TXNRD1: variants seen among roughly 807,000 people sequenced by gnomAD.
TXNRD1 encodes thioredoxin reductase 1.
TXNRD1 carries 57 observed loss-of-function variants against 80.3 expected under a neutral mutation model. The ratio of observed to expected loss-of-function variants is 0.71; its 90% confidence interval spans 0.57 to 0.89. The LOEUF (loss-of-function observed/expected upper bound fraction) is 0.89, where lower values mean the gene tolerates loss of function less well. Among genes scored for constraint, TXNRD1 ranks in the 40% least tolerant of loss-of-function variants. The probability of loss-of-function intolerance (pLI) is 0.00; values close to 1 mark genes in which losing one functional copy is unlikely to be tolerated. For missense variants in TXNRD1, 730 were observed against 803.0 expected, an observed-to-expected ratio of 0.91 and a Z score of 1.10; for synonymous variants, 291 against 285.2, an observed-to-expected ratio of 1.02 and a Z score of -0.20.
chr12:104,348,417 G>A lies in TXNRD1; in HGVS notation c.1946G>A (p.Gly649Asp), dbSNP rs768166002. 3 of 1,613,998 alleles carry A rather than the reference G, an allele frequency of 1.9e-6. No homozygotes were observed. The highest frequency in any genetic ancestry group is 2.5e-6 in the Non-Finnish European group (3 of 1,179,880). The change falls in exon 17 of 17, where the codon GGT (glycine) becomes GAT (aspartate). Residue 649 changes from glycine (G) to aspartate (D), a missense_variant. Physicochemically the swap from Gly to Asp is moderately conservative, Grantham distance 94. Transcript: ENST00000525566. ...GASILQAGCU[G>D] ...AGCATCCTCCAGGCTGGCTGCTGAGGTTAAGCCCCAGTGTGGATGCTGTTG... is the reference window on the plus strand; with the variant it reads ...AGCATCCTCCAGGCTGGCTGCTGAGATTAAGCCCCAGTGTGGATGCTGTTG...
At chr12:104,339,694 T>C (rs1404088585) in intron 16 of TXNRD1, among the ~76,000 whole-genome samples, 2 of 152,218 alleles carry the variant, frequency 1.3e-5, no homozygotes, top group African/African-American at 4.8e-5. Context: ...CAAATGACAG[T>C]AGAACTAGAA....
intron 10 of TXNRD1, among the ~76,000 whole-genome samples, chr12:104,324,596 C>T (rs1451712218): frequency 1.3e-5 from 2 of 151,680 alleles, no homozygotes; most frequent in African/African-American, 2.4e-5. Context: ...ATGATCCTCC[C>T]GCCTCGGCCT....
chr12:104,308,183 G>T (rs1188076634), intron 4 of TXNRD1, among the ~76,000 whole-genome samples: 1 of 152,080 alleles, frequency 6.6e-6, no homozygotes, highest in Admixed American at 6.6e-5. Flanking sequence ...TTGTAGTAGA[G>T]ACGGGGTTTC....
At chr12:104,272,242 C>T (rs1276276531) in intron 3 of TXNRD1, among the ~76,000 whole-genome samples, 1 of 152,168 alleles carries the variant, frequency 6.6e-6, no homozygotes, top group South Asian at 2.1e-4. Context: ...CCCTGACACA[C>T]GTGGCCCCTG....
At position 104,314,275 on chromosome 12, in the gene TXNRD1, G is replaced by A. The variant is rs371408128; in HGVS notation, c.610+958G>A. On this transcript the variant is annotated intron_variant, in intron 6 of 16. Transcript: ENST00000525566. ...ATAAATGAGCCTTTGAAGACTCTAAGGCAGGGGAGCCATGTGATAATATAA... is the reference window on the plus strand; with the variant it reads ...ATAAATGAGCCTTTGAAGACTCTAAAGCAGGGGAGCCATGTGATAATATAA... 2.9e-3 allele frequency among the ~76,000 whole-genome samples: 446 copies of A among 152,306 alleles called. 27 individuals are homozygous for A. The South Asian group carries it at 0.091, about 31-fold the overall frequency.
intron 1 of TXNRD1, among the ~76,000 whole-genome samples, chr12:104,217,065 A>T (rs992790311): frequency 2.0e-5 from 3 of 152,020 alleles, no homozygotes; most frequent in Admixed American, 1.3e-4. Context: ...GGAGTTAAGG[A>T]CTTGGATTAG....
Position 104,312,603 on chromosome 12 carries a change from A to G in TXNRD1, c.538-642A>G, listed in dbSNP as rs35784404. On this transcript the variant is annotated intron_variant, in intron 5 of 16. Coordinates refer to ENST00000525566, the MANE Select transcript of TXNRD1 (RefSeq NM_001093771.3). ...ATAACCTTTGGAGGTCTAGTTGCCA[A>G]TATTCAAAGCTTATTCTCTGAGAAT... Among the ~76,000 whole-genome samples, 979 of 152,326 alleles carry G rather than the reference A, an allele frequency of 6.4e-3. 9 individuals are homozygous for G. Among genetic ancestry groups the G allele is most frequent in the African/African-American group, 0.022 (922 of 41,572 alleles).
At chr12:104,255,225 G>A (rs2033223031) in intron 2 of TXNRD1, among the ~76,000 whole-genome samples, 1 of 152,090 alleles carries the variant, frequency 6.6e-6, no homozygotes, top group Non-Finnish European at 1.5e-5. Flanking sequence ...TGCTACTAGT[G>A]GTAGATAGTC....
intron 3 of TXNRD1, among the ~76,000 whole-genome samples, chr12:104,268,596 GC>G (rs1193782175): frequency 1.3e-5 from 2 of 151,994 alleles, no homozygotes; most frequent in African/African-American, 4.8e-5. Context: ...TCGGCTCACT[GC>G]AAACTCTGCC....
At chr12:104,218,003 A>C (rs906064254) in intron 1 of TXNRD1, among the ~76,000 whole-genome samples, 7 of 151,766 alleles carry the variant, frequency 4.6e-5, no homozygotes, top group East Asian at 1.9e-4. Context: ...CACACACACA[A>C]AATGGAATAT....
rs571496486 is a variant in TXNRD1, at chr12:104,303,755, G to T, written c.415-7535G>T. Reference sequence around the variant, plus strand: ...CTAGTGCGCATGGGCGGGCGTCCTCGGCTCTAACTGCCGCCACTTTCCACA... The same window carrying T: ...CTAGTGCGCATGGGCGGGCGTCCTCTGCTCTAACTGCCGCCACTTTCCACA... On this transcript the variant is annotated intron_variant, in intron 4 of 16. Coordinates refer to ENST00000525566, the MANE Select transcript of TXNRD1 (RefSeq NM_001093771.3). The T allele has an allele frequency of 2.4e-3, 2,567 of 1,061,406 alleles. 8 individuals carry two copies. The highest frequency in any genetic ancestry group is 3.0e-3 in the Non-Finnish European group (2,318 of 778,236). The allele number at this position is 1,061,406 out of a possible 1,614,324, so 65.7% of individuals were successfully genotyped here.
chr12:104,319,115 T>G, intron 8 of TXNRD1, 60 bp downstream of exon 8: 1 of 1,542,572 alleles, frequency 6.5e-7, no homozygotes, highest in Non-Finnish European at 8.7e-7. Context: ...TTAAAAGCTT[T>G]GGTTAGAAAA....
chr12:104,267,701 C>CTTTCTTTCTT (rs755241957), intron 3 of TXNRD1, among the ~76,000 whole-genome samples: 3 of 19,764 alleles, frequency 1.5e-4, no homozygotes, highest in Admixed American at 9.2e-4. Flanking sequence ...TTCTTTCTTT[C>CTTTCTTTCTT]TCTCTTTCTT....
intron 15 of TXNRD1, among the ~76,000 whole-genome samples, chr12:104,338,157 G>A (rs1405813381): frequency 6.6e-6 from 1 of 151,738 alleles, no homozygotes. Context: ...CCTCTGTGGA[G>A]CTGAGATGAT....
chr12:104,224,971 G>A (rs2032440750), intron 1 of TXNRD1: 5 of 449,312 alleles, frequency 1.1e-5, no homozygotes, highest in South Asian at 6.3e-5. Flanking sequence ...TGTCCCATAT[G>A]GAACATTGTA....
At position 104,309,934 on chromosome 12, in the gene TXNRD1, C is replaced by T. The variant is rs535591464; in HGVS notation, c.415-1356C>T. 2.9e-5 allele frequency: 45 copies of T among 1,536,100 alleles called. No individual in the cohort carries two copies. The East Asian group carries it at 1.0e-3, about 35-fold the overall frequency. On this transcript the variant is annotated intron_variant, in intron 4 of 16. Coordinates refer to ENST00000525566, the MANE Select transcript of TXNRD1 (RefSeq NM_001093771.3). The stretch of plus-strand genomic sequence containing the variant: ...CAGTCCCTGAGCCACTACGTATGCC[C>T]GCCATGCTGCCAACAGGTAGCCACA...
intron 1 of TXNRD1, among the ~76,000 whole-genome samples, chr12:104,228,301 C>CAAAAAAAA (rs11349965): frequency 8.6e-6 from 1 of 116,378 alleles, no homozygotes; most frequent in Non-Finnish European, 1.8e-5. Context: ...AACTCCATCT[C>CAAAAAAAA]AAAAAAAAAA....
At chr12:104,308,089 G>A (rs554264245) in intron 4 of TXNRD1, among the ~76,000 whole-genome samples, 8 of 151,636 alleles carry the variant, frequency 5.3e-5, no homozygotes, top group African/African-American at 1.5e-4. Context: ...TCCGCCTCCC[G>A]GGTTCACGCC....
chr12:104,304,438 C>T lies in TXNRD1; in HGVS notation c.415-6852C>T, dbSNP rs758807613. 3 of 1,613,986 alleles carry T rather than the reference C, an allele frequency of 1.9e-6. No individual in the cohort carries two copies. In the South Asian group the frequency reaches 3.3e-5, roughly 18 times the overall value. On this transcript the variant is annotated intron_variant, in intron 4 of 16. Transcript: ENST00000525566. ...CCTGGATGGTAAAAGCTGAGACATT[C>T]CATTTTGTTTTTGGTTCATTCAAGC...
Sources: allele counts gnomAD v4.1 joint callset (sites outside exome capture counted in the v4.1 genomes callset), GRCh38; gene constraint gnomAD v4.1.1; transcripts MANE v1.5; gene names NCBI Gene and HGNC (gene_info 2026-07-23, HGNC 2026-07-21).